ZBTB7C: variants seen among roughly 807,000 people sequenced by gnomAD.
ZBTB7C encodes zinc finger and BTB domain-containing protein 7C.
Under a neutral mutation model 25.7 loss-of-function variants are expected in ZBTB7C, and 8 were observed. That is an observed-to-expected ratio of 0.31 (90% CI 0.18 to 0.56). The LOEUF (loss-of-function observed/expected upper bound fraction) is 0.56, where lower values mean the gene tolerates loss of function less well. ZBTB7C is among the 20% of genes least tolerant of loss of function. The probability of loss-of-function intolerance (pLI) is 0.91; values close to 1 mark genes in which losing one functional copy is unlikely to be tolerated. For synonymous variants in ZBTB7C, 394 were observed against 369.0 expected (o/e 1.07, Z -0.78); for missense variants, 824 against 855.2 (o/e 0.96, Z 0.46).
intron 1 of ZBTB7C, among the ~76,000 whole-genome samples, chr18:48,383,300 C>T (rs2047673974): frequency 6.6e-6 from 1 of 152,090 alleles, no homozygotes; most frequent in African/African-American, 2.4e-5. Flanking sequence ...CTCACTCACT[C>T]TGTCACCCAG....
At chr18:48,389,236 CGTGTGTGTGTGTGT>C (rs71165323) in intron 1 of ZBTB7C, among the ~76,000 whole-genome samples, 34 of 62,370 alleles carry the variant, frequency 5.5e-4, no homozygotes, top group African/African-American at 2.3e-3. Context: ...CTCTCTCTCT[CGTGTGTGTGTGTGT>C]GTGTGTGTGT....
intron 3 of ZBTB7C, chr18:48,136,959 G>C: frequency 7.9e-6 from 7 of 881,658 alleles, no homozygotes; most frequent in Non-Finnish European, 8.1e-6. Context: ...GGGCTCCCCA[G>C]AGCCCCGATC....
chr18:48,261,550 T>C (rs952650568), intron 2 of ZBTB7C, among the ~76,000 whole-genome samples: 2 of 152,216 alleles, frequency 1.3e-5, no homozygotes, highest in Non-Finnish European at 2.9e-5. Flanking sequence ...TAGGATGATG[T>C]TGTGCAAAAT....
chr18:48,322,460 G>T (rs2046119120), intron 2 of ZBTB7C, among the ~76,000 whole-genome samples: 1 of 152,200 alleles, frequency 6.6e-6, no homozygotes, highest in African/African-American at 2.4e-5. Context: ...GAGGCCTCAG[G>T]AAGGCAAGAA....
intron 2 of ZBTB7C, among the ~76,000 whole-genome samples, chr18:48,274,043 T>A (rs2044570406): frequency 6.6e-6 from 1 of 152,226 alleles, no homozygotes; most frequent in South Asian, 2.1e-4. Context: ...GCATGTATAC[T>A]TTCCATAACA....
chr18:48,266,989 T>C (rs1272881452), intron 2 of ZBTB7C, among the ~76,000 whole-genome samples: 1 of 152,212 alleles, frequency 6.6e-6, no homozygotes, highest in East Asian at 1.9e-4. Context: ...CATAGCACTC[T>C]ATAGCTCAAA....
intron 3 of ZBTB7C, among the ~76,000 whole-genome samples, chr18:48,175,984 G>T (rs34667323): frequency 0.029 from 4,416 of 152,266 alleles, 80 homozygotes; most frequent in Non-Finnish European, 0.038. Flanking sequence ...GTCATCAATG[G>T]GTGCTACATC....
At chr18:48,348,045 T>C (rs747103470) in intron 1 of ZBTB7C, among the ~76,000 whole-genome samples, 9 of 152,260 alleles carry the variant, frequency 5.9e-5, no homozygotes, top group African/African-American at 9.6e-5. Flanking sequence ...GACTGTAAAA[T>C]AGCATGAGCC....
chr18:48,330,465 G>A (rs1025054302), intron 2 of ZBTB7C, among the ~76,000 whole-genome samples: 1 of 152,094 alleles, frequency 6.6e-6, no homozygotes, highest in Non-Finnish European at 1.5e-5. Context: ...GCTTCATGGT[G>A]TGCCTCAGAT....
At chr18:48,397,969 G>A (rs760555301) in intron 1 of ZBTB7C, among the ~76,000 whole-genome samples, 17 of 152,274 alleles carry the variant, frequency 1.1e-4, no homozygotes, top group South Asian at 2.1e-4. Context: ...AAGCTTCTGC[G>A]TGACCAGGTA....
intron 2 of ZBTB7C, among the ~76,000 whole-genome samples, chr18:48,186,844 G>A (rs561051492): frequency 1.1e-4 from 17 of 152,292 alleles, no homozygotes; most frequent in African/African-American, 3.9e-4. Context: ...TTACAATCGT[G>A]GCTAAATACA....
chr18:48,231,758 A>G (rs900004715), intron 2 of ZBTB7C, among the ~76,000 whole-genome samples: 1 of 152,220 alleles, frequency 6.6e-6, no homozygotes, highest in Admixed American at 6.5e-5. Context: ...AGGAGAGAAG[A>G]GCTGCGGCCC....
intron 2 of ZBTB7C, among the ~76,000 whole-genome samples, chr18:48,190,038 A>G (rs1308214074): frequency 1.3e-5 from 2 of 152,064 alleles, no homozygotes; most frequent in Admixed American, 1.3e-4. Context: ...TTGGCCCTTG[A>G]CCAGAGTGCT....
intron 2 of ZBTB7C, among the ~76,000 whole-genome samples, chr18:48,264,178 T>C (rs1039181799): frequency 6.6e-6 from 1 of 152,194 alleles, no homozygotes; most frequent in African/African-American, 2.4e-5. Flanking sequence ...CTACAGTCAA[T>C]TAATGAGCCA....
At chr18:48,052,636 C>T (rs2036741017) in intron 3 of ZBTB7C, among the ~76,000 whole-genome samples, 1 of 152,128 alleles carries the variant, frequency 6.6e-6, no homozygotes, top group Non-Finnish European at 1.5e-5. Flanking sequence ...GCATGAGGAG[C>T]AAAGGCTGGG....
chr18:48,070,961 C>T (rs1003799911), intron 3 of ZBTB7C, among the ~76,000 whole-genome samples: 3 of 152,188 alleles, frequency 2.0e-5, no homozygotes, highest in Non-Finnish European at 4.4e-5. Flanking sequence ...ATTTCAGGTT[C>T]GGAAATCACT....
chr18:48,357,660 C>T (rs980330942), intron 1 of ZBTB7C, among the ~76,000 whole-genome samples: 1 of 152,102 alleles, frequency 6.6e-6, no homozygotes, highest in Non-Finnish European at 1.5e-5. Context: ...TGAACTTTGC[C>T]CCACCCAACC....
chr18:48,145,355 G>T (rs147758292), intron 3 of ZBTB7C, among the ~76,000 whole-genome samples: 1 of 152,174 alleles, frequency 6.6e-6, no homozygotes, highest in East Asian at 1.9e-4. Context: ...GGACCCTTCA[G>T]CATGTCTCCT....
At chr18:48,077,986 G>A (rs535177296) in intron 3 of ZBTB7C, among the ~76,000 whole-genome samples, 14 of 145,684 alleles carry the variant, frequency 9.6e-5, no homozygotes, top group African/African-American at 3.5e-4. Flanking sequence ...GGGTGGGGGG[G>A]AGGGCAGGCA....
Sources: allele counts gnomAD v4.1 joint callset (sites outside exome capture counted in the v4.1 genomes callset), GRCh38; gene constraint gnomAD v4.1.1; transcripts MANE v1.5; gene names NCBI Gene and HGNC (gene_info 2026-07-23, HGNC 2026-07-21).